Variants in CDH6 observed in about 807,000 individuals in gnomAD.
CDH6 encodes the protein cadherin 6.
In CDH6, 31 loss-of-function variants were observed where a neutral mutation model predicts 78.0. That is an observed-to-expected ratio of 0.40 (90% confidence interval 0.30 to 0.54). The LOEUF (loss-of-function observed/expected upper bound fraction) is 0.54. Ranked by LOEUF, CDH6 falls within the 20% of genes least tolerant of loss-of-function variation. The pLI is 0.56. For missense variants in CDH6, 724 were observed against 975.9 expected (o/e 0.74, Z 3.44); for synonymous variants, 376 against 368.8 (o/e 1.02, Z -0.23).
intron 1 of CDH6, among the ~76,000 whole-genome samples, chr5:31,259,698 C>G (rs1275881974): frequency 6.6e-6 from 1 of 152,192 alleles, no homozygotes; most frequent in Admixed American, 6.5e-5. Context: ...TATAAAAATG[C>G]TTTCTCTTCT....
chr5:31,223,885 C>T (rs1463004639), intron 1 of CDH6, among the ~76,000 whole-genome samples: 3 of 151,898 alleles, frequency 2.0e-5, no homozygotes, highest in Non-Finnish European at 4.4e-5. Flanking sequence ...AGAATACTGC[C>T]CTGCTGCATA....
At chr5:31,221,131 C>T (rs1369467658) in intron 1 of CDH6, among the ~76,000 whole-genome samples, 1 of 152,198 alleles carries the variant, frequency 6.6e-6, no homozygotes, top group African/African-American at 2.4e-5. Flanking sequence ...ATTATGCAAG[C>T]ACAGCCTGGC....
At chr5:31,230,052 A>G (rs1407360741) in intron 1 of CDH6, among the ~76,000 whole-genome samples, 1 of 152,184 alleles carries the variant, frequency 6.6e-6, no homozygotes, top group Non-Finnish European at 1.5e-5. Context: ...CTGAACAACA[A>G]AGTCAAAATA....
chr5:31,322,632 C>T (rs1347487876), intron 11 of CDH6, among the ~76,000 whole-genome samples, 186 bp from the exon 12 acceptor site: 3 of 152,208 alleles, frequency 2.0e-5, no homozygotes, highest in Non-Finnish European at 4.4e-5. Context: ...CAAATATTTA[C>T]TCCATTTTAT....
intron 1 of CDH6, among the ~76,000 whole-genome samples, chr5:31,262,065 G>C (rs145383324): frequency 1.3e-5 from 2 of 152,110 alleles, no homozygotes; most frequent in Non-Finnish European, 2.9e-5. Flanking sequence ...CAATAACCTA[G>C]GGAAAAAGAT....
intron 1 of CDH6, among the ~76,000 whole-genome samples, chr5:31,252,256 C>A (rs1219010275): frequency 1.3e-5 from 2 of 151,794 alleles, no homozygotes; most frequent in Non-Finnish European, 2.9e-5. Flanking sequence ...AGTACGGGAA[C>A]CACAACATCT....
intron 1 of CDH6, among the ~76,000 whole-genome samples, chr5:31,254,948 T>C (rs919561648): frequency 6.6e-6 from 1 of 152,218 alleles, no homozygotes; most frequent in Non-Finnish European, 1.5e-5. Flanking sequence ...TGGTAACCTA[T>C]TAAAATTAGA....
intron 3 of CDH6, among the ~76,000 whole-genome samples, chr5:31,295,544 T>C (rs758653948): frequency 2.6e-5 from 4 of 152,166 alleles, no homozygotes; most frequent in Non-Finnish European, 5.9e-5. Flanking sequence ...ATAAAAAGGC[T>C]TTTTTCAGTT....
At position 31,328,292 on chromosome 5, in the gene CDH6, G is replaced by C. The variant is rs147990980; in HGVS notation, c.*4984G>C. The C allele has an allele frequency of 1.0e-5, 2 of 191,296 alleles. No homozygotes were observed. The highest frequency in any genetic ancestry group is 2.1e-5 in the Non-Finnish European group (2 of 93,308). The allele number at this position is 191,296 out of a possible 1,614,324, so 11.8% of individuals were successfully genotyped here. On this transcript the variant is annotated 3_prime_UTR_variant, in exon 12 of 12. Transcript: ENST00000265071. ...CAGCCTTGTGGAAAAAGCATTCCAC[G>C]CTAATGAGATCTTGGTCTTTCTTGT...
chr5:31,257,915 T>A (rs994562414), intron 1 of CDH6, among the ~76,000 whole-genome samples: 11 of 152,094 alleles, frequency 7.2e-5, no homozygotes, highest in African/African-American at 2.2e-4. Context: ...AGCCTCTAGG[T>A]TAGTTGGGTT....
intron 1 of CDH6, among the ~76,000 whole-genome samples, chr5:31,260,025 T>C (rs898482177): frequency 4.6e-5 from 7 of 152,148 alleles, no homozygotes; most frequent in Admixed American, 1.3e-4. Flanking sequence ...CCTTGAAGAG[T>C]AGCAACTGAC....
intron 2 of CDH6, among the ~76,000 whole-genome samples, chr5:31,278,010 TTG>T (rs1183882611): frequency 6.6e-6 from 1 of 152,072 alleles, no homozygotes; most frequent in Admixed American, 6.6e-5. Flanking sequence ...GTATGTGTAT[TTG>T]TGTGTGTGTG....
chr5:31,267,455 A>T lies in CDH6; in HGVS notation c.-19A>T, dbSNP rs771132576. On this transcript the variant is annotated 5_prime_UTR_variant, in exon 2 of 12. Transcript: ENST00000265071. ...AGAGTGGGGCACTCACTACGCACAGACTCGACGGTGCCATCAGCATGAGAA... is the reference window on the plus strand; with the variant it reads ...AGAGTGGGGCACTCACTACGCACAGTCTCGACGGTGCCATCAGCATGAGAA... 6.3e-7 allele frequency: 1 copy of T among 1,598,430 alleles called. No individual in the cohort carries two copies. The highest frequency in any genetic ancestry group is 8.6e-7 in the Non-Finnish European group (1 of 1,165,772).
chr5:31,206,411 T>G (rs1189283103), intron 1 of CDH6, among the ~76,000 whole-genome samples: 3 of 152,160 alleles, frequency 2.0e-5, no homozygotes, highest in African/African-American at 7.2e-5. Context: ...TGAGATCAAT[T>G]AATTATAGCC....
chr5:31,314,042 C>A (rs1247896397), intron 8 of CDH6, among the ~76,000 whole-genome samples: 1 of 151,970 alleles, frequency 6.6e-6, no homozygotes, highest in Admixed American at 6.6e-5. Flanking sequence ...AGGCAAAGAA[C>A]AATAGTGCCA....
intron 1 of CDH6, among the ~76,000 whole-genome samples, chr5:31,242,784 G>A (rs1741642316): frequency 6.6e-6 from 1 of 151,668 alleles, no homozygotes; most frequent in Non-Finnish European, 1.5e-5. Context: ...CACTTTGAGA[G>A]GCTGAGGTGG....
chr5:31,317,116 T>A lies in CDH6; in HGVS notation c.1513-259T>A, dbSNP rs546553064. 1.1e-4 allele frequency among the ~76,000 whole-genome samples: 16 copies of A among 152,310 alleles called. No homozygotes were observed. The South Asian group carries it at 3.3e-3, about 32-fold the overall frequency. ...GTCACACTAGAAGGTGCTACTGATA[T>A]CTCGTGGGTAGAGGCCAGGGTGGCT... is the stretch of plus-strand genomic sequence containing the variant. On this transcript the variant is annotated intron_variant, in intron 9 of 11. Coordinates refer to ENST00000265071, the MANE Select transcript of CDH6 (RefSeq NM_004932.4).
intron 1 of CDH6, among the ~76,000 whole-genome samples, chr5:31,260,441 T>C (rs1250749621): frequency 1.3e-5 from 2 of 152,172 alleles, no homozygotes; most frequent in African/African-American, 4.8e-5. Flanking sequence ...GTAGAAAAAC[T>C]TTGTCTTTAT....
chr5:31,281,648 AC>A (rs1216540083), intron 2 of CDH6, among the ~76,000 whole-genome samples: 21 of 152,332 alleles, frequency 1.4e-4, no homozygotes, highest in African/African-American at 5.0e-4. Flanking sequence ...CAGTTAATAA[AC>A]TAAAAGGCAT....
Sources: allele counts gnomAD v4.1 joint callset (sites outside exome capture counted in the v4.1 genomes callset), GRCh38; gene constraint gnomAD v4.1.1; transcripts MANE v1.5; gene names NCBI Gene and HGNC (gene_info 2026-07-23, HGNC 2026-07-21).